USP45: variants seen among roughly 807,000 people sequenced by gnomAD.
USP45 encodes the protein ubiquitin specific peptidase 45, also known as ubiquitin carboxyl-terminal hydrolase 45.
USP45 carries 89 observed loss-of-function variants against 95.8 expected under a neutral mutation model. The ratio of observed to expected loss-of-function variants is 0.93; its 90% CI spans 0.78 to 1.11. The LOEUF (loss-of-function observed/expected upper bound fraction) is 1.11, where lower values mean the gene tolerates loss of function less well. Among genes scored for constraint, USP45 ranks in the 50% least tolerant of loss-of-function variants. The probability of loss-of-function intolerance (pLI) is 0.00; values close to 1 mark genes in which losing one functional copy is unlikely to be tolerated. For synonymous variants in USP45, 281 were observed against 316.2 expected (o/e 0.89, Z 1.18); for missense variants, 898 against 942.5 (o/e 0.95, Z 0.62).
intron 5 of USP45, among the ~76,000 whole-genome samples, chr6:99,495,557 G>C (rs1796116424): frequency 6.6e-6 from 1 of 152,210 alleles, no homozygotes; most frequent in African/African-American, 2.4e-5. Context: ...CTGCTGGTTA[G>C]TGTTGAGGGA....
intron 13 of USP45, among the ~76,000 whole-genome samples, chr6:99,455,899 C>G (rs1172670264): frequency 7.0e-6 from 1 of 142,774 alleles, no homozygotes; most frequent in Non-Finnish European, 1.5e-5. Context: ...CTTTGGGAGA[C>G]TGAGGCGGGT....
intron 10 of USP45, among the ~76,000 whole-genome samples, chr6:99,467,155 G>C (rs181743271): frequency 1.3e-5 from 2 of 151,996 alleles, no homozygotes; most frequent in Non-Finnish European, 2.9e-5. Context: ...AATAACAGTC[G>C]TAAAAGGCAA....
At chr6:99,479,598 AG>A (rs1353841989) in intron 8 of USP45, among the ~76,000 whole-genome samples, 4 of 106,776 alleles carry the variant, frequency 3.7e-5, no homozygotes, top group East Asian at 2.6e-4. Flanking sequence ...CTATTCCAAC[AG>A]ACAAAAAAAA....
intron 1 of USP45, among the ~76,000 whole-genome samples, chr6:99,512,686 C>G (rs1800145369): frequency 6.6e-6 from 1 of 152,134 alleles, no homozygotes; most frequent in Admixed American, 6.5e-5. Context: ...AGGGAGCTTT[C>G]AAGTTTACCA....
rs1785871267 is a variant in USP45 at position 99,459,428 on chromosome 6, T to C, written c.1308+5176A>G. On this transcript the variant is annotated intron_variant, in intron 13 of 17. Transcript: ENST00000500704. ...GATTCCATGTCTTTGCTATTGTGAATAGTGCTGCAATGAACATTCACCTAC... is the reference window on the plus strand; with the variant it reads ...GATTCCATGTCTTTGCTATTGTGAACAGTGCTGCAATGAACATTCACCTAC... 3.3e-5 allele frequency among the ~76,000 whole-genome samples: 5 copies of C among 152,336 alleles called. No homozygotes were observed. The South Asian group carries it at 1.0e-3, about 32-fold the overall frequency.
chr6:99,499,575 C>G (rs1796974249), intron 5 of USP45, among the ~76,000 whole-genome samples: 1 of 152,114 alleles, frequency 6.6e-6, no homozygotes, highest in South Asian at 2.1e-4. Context: ...GACATCTTGC[C>G]CTAGAACTGC....
At chr6:99,501,585 T>C (rs543291671) in intron 5 of USP45, among the ~76,000 whole-genome samples, 16 of 152,342 alleles carry the variant, frequency 1.1e-4, no homozygotes, top group Middle Eastern at 6.8e-3. Context: ...TTTTTGCTTG[T>C]TGCTCCCACT....
At chr6:99,476,381 A>G in intron 8 of USP45, 151 bp from the exon 9 acceptor site, 4 of 695,148 alleles carry the variant, frequency 5.8e-6, no homozygotes, top group Non-Finnish European at 9.3e-6. Context: ...GCCAAGGGGC[A>G]GATCACTTGA....
At chr6:99,491,842 T>C (rs1490096242) in intron 5 of USP45, among the ~76,000 whole-genome samples, 1 of 152,034 alleles carries the variant, frequency 6.6e-6, no homozygotes, top group Non-Finnish European at 1.5e-5. Context: ...CTTATTAACA[T>C]GAAAACAGAA....
intron 5 of USP45, among the ~76,000 whole-genome samples, chr6:99,493,308 G>A (rs903064513): frequency 2.6e-5 from 4 of 151,958 alleles, no homozygotes; most frequent in Non-Finnish European, 5.9e-5. Flanking sequence ...TTACAAACAT[G>A]AGCCACCACA....
chr6:99,481,116 A>C (rs1384917330), intron 8 of USP45, among the ~76,000 whole-genome samples: 1 of 152,086 alleles, frequency 6.6e-6, no homozygotes, highest in Non-Finnish European at 1.5e-5. Context: ...AAAATACATA[A>C]AAATCTTCAA....
Position 99,488,818 on chromosome 6 carries a change from C to T in USP45, c.481G>A (p.Ala161Thr), listed in dbSNP as rs1296662369. Residue 161 changes from alanine (A) to threonine (T), a missense_variant and splice_region_variant, in exon 6 of 18, where the codon GCA becomes ACA. By Grantham distance (58) the Ala-to-Thr change is moderately conservative. Transcript: ENST00000500704. ...QKHASKTQTS[A>T]FSRIMKLCEE... ...CAAAGTTTCATGATTCTAGAAAATG[C>T]ACCTACAAGTTAGAGAAAAAATAAC... is the stretch of plus-strand genomic sequence containing the variant. 2 of 1,574,310 alleles carry T rather than the reference C, an allele frequency of 1.3e-6. No homozygotes were observed. The highest frequency in any genetic ancestry group is 2.3e-5 in the East Asian group (1 of 42,922).
intron 13 of USP45, among the ~76,000 whole-genome samples, chr6:99,456,129 T>C (rs1319069492): frequency 1.3e-5 from 1 of 77,804 alleles, no homozygotes; most frequent in Non-Finnish European, 2.4e-5. Context: ...CGAGACTCTG[T>C]CTCGGAAAAA....
chr6:99,442,612 C>T (rs1421778186), intron 15 of USP45, among the ~76,000 whole-genome samples: 18 of 152,220 alleles, frequency 1.2e-4, no homozygotes, highest in Admixed American at 9.2e-4. Flanking sequence ...TTTGGGAGGC[C>T]GAGGTGGGCG....
chr6:99,451,601 C>A (rs1783853594), intron 13 of USP45, among the ~76,000 whole-genome samples: 1 of 152,196 alleles, frequency 6.6e-6, no homozygotes, highest in Non-Finnish European at 1.5e-5. Flanking sequence ...AATGGCCATA[C>A]TGCCCAAGGT....
intron 15 of USP45, among the ~76,000 whole-genome samples, chr6:99,441,622 T>C (rs1781544472): frequency 6.6e-6 from 1 of 152,228 alleles, no homozygotes. Context: ...CCAATGCTGG[T>C]AAATGAAAAT....
Position 99,446,365 on chromosome 6 carries a change from A to G in USP45, c.1407T>C (p.Ser469=). The G allele has an allele frequency of 6.2e-7, 1 of 1,614,236 alleles. No individual in the cohort carries two copies. Among genetic ancestry groups the G allele is most frequent in the African/African-American group, 1.3e-5 (1 of 75,070 alleles). ...AATTCATGAGGCTGGCAAACATTAA[A>G]GAATCCCCATTCATTTCAAGGTTTT... ...KNENLEMNGD[S]LMFASLMNSE... Residue 469 remains serine, a synonymous_variant, in exon 14 of 18, where the codon TCT becomes TCC. Coordinates refer to ENST00000500704, the MANE Select transcript of USP45 (RefSeq NM_001346022.3).
chr6:99,469,599 C>A (rs1375444502), intron 9 of USP45, among the ~76,000 whole-genome samples: 1 of 150,932 alleles, frequency 6.6e-6, no homozygotes, highest in Non-Finnish European at 1.5e-5. Flanking sequence ...ACTGCCTCAG[C>A]CTCCCAAGTA....
intron 5 of USP45, chr6:99,502,126 C>A: frequency 9.1e-7 from 1 of 1,097,634 alleles, no homozygotes. Flanking sequence ...ATAAAACTCT[C>A]CACACCAAAA....
Sources: gnomAD v4.1 joint callset for allele counts (sites outside exome capture counted in the v4.1 genomes callset) on GRCh38, gnomAD v4.1.1 for gene constraint, MANE v1.5 for transcripts, NCBI Gene and HGNC (gene_info 2026-07-23, HGNC 2026-07-21) for gene names.